SYNCRIP: variants seen among roughly 807,000 people sequenced by gnomAD.
The protein encoded by SYNCRIP is heterogeneous nuclear ribonucleoprotein Q.
In SYNCRIP, 9 loss-of-function variants were observed where a neutral mutation model predicts 68.9. That is an observed-to-expected ratio of 0.13 (90% CI 0.08 to 0.23). The LOEUF is 0.23. SYNCRIP is among the 10% of genes least tolerant of loss of function. The probability of loss-of-function intolerance (pLI) is 1.00; values close to 1 mark genes in which losing one functional copy is unlikely to be tolerated. For missense variants in SYNCRIP, 414 were observed against 770.6 expected, an observed-to-expected ratio of 0.54 and a Z score of 5.48; for synonymous variants, 258 against 254.0, an observed-to-expected ratio of 1.02 and a Z score of -0.15.
At chr6:85,633,151 G>A (rs1284847724) in intron 6 of SYNCRIP, among the ~76,000 whole-genome samples, 3 of 151,854 alleles carry the variant, frequency 2.0e-5, no homozygotes, top group Non-Finnish European at 4.4e-5. Context: ...AGCTACTCAG[G>A]AGGCTGAGGC....
chr6:85,622,352 T>C (rs768402790), intron 8 of SYNCRIP, 130 bp downstream of exon 8: 52 of 894,518 alleles, frequency 5.8e-5, no homozygotes, highest in Admixed American at 4.6e-4. Flanking sequence ...CTGGGAAACA[T>C]GGGAAACAAG....
intron 7 of SYNCRIP, among the ~76,000 whole-genome samples, chr6:85,623,402 A>G (rs915835298): frequency 6.6e-6 from 1 of 151,726 alleles, no homozygotes; most frequent in Non-Finnish European, 1.5e-5. Flanking sequence ...CACCTCTACA[A>G]AAGACGCAAA....
chr6:85,638,704 C>T (rs1808772218), intron 4 of SYNCRIP, among the ~76,000 whole-genome samples: 1 of 152,210 alleles, frequency 6.6e-6, no homozygotes, highest in Admixed American at 6.5e-5. Flanking sequence ...AACTTGCTCA[C>T]ATCTATAACA....
rs1430558409 is a variant in SYNCRIP, at chr6:85,615,350, A to T, written c.1281-3T>A. On this transcript the variant is annotated splice_polypyrimidine_tract_variant and splice_region_variant and intron_variant, in intron 10 of 10. Transcript: ENST00000369622. ...CATAATAGTAGTAATCGTCATACCTATTAAAAAAGAGACAGAGATTAGAGT... is the reference window on the plus strand; with the variant it reads ...CATAATAGTAGTAATCGTCATACCTTTTAAAAAAGAGACAGAGATTAGAGT... 1 of 1,462,448 alleles carries T rather than the reference A, an allele frequency of 6.8e-7. No homozygotes were observed. Among genetic ancestry groups the T allele is most frequent in the Non-Finnish European group, 9.1e-7 (1 of 1,100,902 alleles). 90.6% of individuals were successfully genotyped at this position (1,462,448 alleles called of 1,614,324 possible).
chr6:85,623,072 CT>C (rs1806603981), intron 7 of SYNCRIP, among the ~76,000 whole-genome samples: 1 of 152,040 alleles, frequency 6.6e-6, no homozygotes, highest in Admixed American at 6.6e-5. Flanking sequence ...CTTTTCTGGC[CT>C]TAGATATCAA....
chr6:85,626,145 G>C (rs931536088), intron 6 of SYNCRIP, among the ~76,000 whole-genome samples: 1 of 152,212 alleles, frequency 6.6e-6, no homozygotes, highest in African/African-American at 2.4e-5. Context: ...CATGTTACCT[G>C]AATGTAGCAG....
rs184967805 is a variant in SYNCRIP at position 85,633,731 on chromosome 6, C to T, written c.666+3236G>A. Among the ~76,000 whole-genome samples, 200 of 152,112 alleles carry T rather than the reference C, an allele frequency of 1.3e-3. 1 individual carries two copies. Among genetic ancestry groups the T allele is most frequent in the African/African-American group, 4.4e-3 (181 of 41,482 alleles). On this transcript the variant is annotated intron_variant, in intron 6 of 10. Transcript: ENST00000369622. ...TGAGACAGGGTCTCTGTTGCCCAGGCTGGAGTGCAGTGGCATGATCACAGG... is the reference window on the plus strand; with the variant it reads ...TGAGACAGGGTCTCTGTTGCCCAGGTTGGAGTGCAGTGGCATGATCACAGG...
In SYNCRIP at chr6:85,619,337, T is replaced by C; in HGVS notation, c.1089A>G (p.Lys363=). 6.2e-7 allele frequency: 1 copy of C among 1,614,076 alleles called. No individual in the cohort carries two copies. The highest frequency in any genetic ancestry group is 8.5e-7 in the Non-Finnish European group (1 of 1,180,008). The part of the protein sequence containing the change: ...ILEKAFSQFG[K]LERVKKLKDY... ...CTTTTAACTTCTTCACTCGTTCCAG[T>C]TTCCCAAACTGACTAAATGCCTTTT... Residue 363 remains lysine, a synonymous_variant, in exon 9 of 11, where the codon AAA becomes AAG. Coordinates refer to ENST00000369622, the MANE Select transcript of SYNCRIP (RefSeq NM_006372.5).
At chr6:85,612,994 A>G, downstream of SYNCRIP, 1 of 1,497,208 alleles carries the variant, frequency 6.7e-7, no homozygotes, top group Non-Finnish European at 9.0e-7. Context: ...ACATAATGAT[A>G]ACATTAAAAA....
At chr6:85,623,931 CTTCA>C (rs1806747849) in intron 7 of SYNCRIP, 42 bp downstream of exon 7, 1 of 1,597,890 alleles carries the variant, frequency 6.3e-7, no homozygotes, top group Non-Finnish European at 8.6e-7. Flanking sequence ...TGCTATTAAT[CTTCA>C]TTATTAAAAG....
intron 4 of SYNCRIP, among the ~76,000 whole-genome samples, chr6:85,639,634 T>C (rs150140631): frequency 2.8e-4 from 42 of 152,290 alleles, no homozygotes; most frequent in African/African-American, 1.0e-3. Context: ...ACATTGTCTA[T>C]AAATTAGAAA....
At chr6:85,610,235 GCT>G (rs548975250), downstream of SYNCRIP, 29 of 151,920 alleles carry the variant, frequency 1.9e-4, no homozygotes, top group African/African-American at 6.7e-4. Flanking sequence ...TGCATATTTA[GCT>G]CTGATTATAT....
intron 4 of SYNCRIP, 132 bp downstream of exon 4, chr6:85,640,089 A>G: frequency 1.5e-6 from 1 of 669,406 alleles, no homozygotes. Context: ...AAACTTAAAA[A>G]AAGGAATTAG....
intron 6 of SYNCRIP, among the ~76,000 whole-genome samples, chr6:85,632,548 A>G (rs1477798283): frequency 6.6e-6 from 1 of 152,254 alleles, no homozygotes; most frequent in Non-Finnish European, 1.5e-5. Flanking sequence ...TATTTTCTCT[A>G]GAATGTTTCA....
At position 85,637,212 on chromosome 6, in the gene SYNCRIP, T is replaced by C. The variant is rs776130955; in HGVS notation, c.489+31A>G. 4.4e-6 allele frequency: 7 copies of C among 1,608,448 alleles called. No individual in the cohort carries two copies. The East Asian group carries it at 1.3e-4, about 31-fold the overall frequency. Reference sequence around the variant, plus strand: ...GGAAACCAGATACCTGTGCTTTTACTACAAAAGGTACAAGTTTTTAGTTGC... The same window carrying C: ...GGAAACCAGATACCTGTGCTTTTACCACAAAAGGTACAAGTTTTTAGTTGC... On this transcript the variant is annotated intron_variant, in intron 5 of 10. Coordinates refer to ENST00000369622, the MANE Select transcript of SYNCRIP (RefSeq NM_006372.5).
At chr6:85,608,211 T>C (rs1804979959), downstream of SYNCRIP, 2 of 152,084 alleles carry the variant, frequency 1.3e-5, no homozygotes, top group Admixed American at 6.5e-5. Flanking sequence ...TTCGAATGTA[T>C]GGATAATCAA....
Position 85,614,855 on chromosome 6 carries a change from A to T in SYNCRIP, c.1773T>A (p.Ala591=), listed in dbSNP as rs1805582387. The T allele has an allele frequency of 6.2e-7, 1 of 1,614,102 alleles. No homozygotes were observed. The highest frequency in any genetic ancestry group is 8.5e-7 in the Non-Finnish European group (1 of 1,180,010). Reference sequence around the variant, plus strand: ...GATCACCACCTTGGAGCGGTTGCTGAGCAATGGGTTGGGAGCCCCAGTTCT... The same window carrying T: ...GATCACCACCTTGGAGCGGTTGCTGTGCAATGGGTTGGGAGCCCCAGTTCT... ...NNQNWGSQPI[A]QQPLQGGDHS... is the part of the protein sequence containing the mutation. The change falls in exon 11 of 11, where the codon GCT becomes GCA. Residue 591 remains alanine (A), a synonymous_variant. Coordinates refer to ENST00000369622, the MANE Select transcript of SYNCRIP (RefSeq NM_006372.5).
At chr6:85,643,522 C>T (rs1052442532), upstream of SYNCRIP, among the ~76,000 whole-genome samples, 9 of 152,016 alleles carry the variant, frequency 5.9e-5, no homozygotes, top group African/African-American at 9.7e-5. Context: ...CACTCCCCCT[C>T]CCTCTCCCCT....
chr6:85,618,690 C>T (rs773882298), intron 10 of SYNCRIP, 128 bp downstream of exon 10: 1 of 736,476 alleles, frequency 1.4e-6, no homozygotes, highest in Non-Finnish European at 2.1e-6. Context: ...CCCTATGACT[C>T]TCAAACGTTC....
Sources: gnomAD v4.1 joint callset for allele counts (sites outside exome capture counted in the v4.1 genomes callset) on GRCh38, gnomAD v4.1.1 for gene constraint, MANE v1.5 for transcripts, NCBI Gene and HGNC (gene_info 2026-07-23, HGNC 2026-07-21) for gene names.